PCDH15: variants seen among roughly 807,000 people sequenced by gnomAD.
PCDH15 encodes the protein protocadherin-15.
In PCDH15, 129 loss-of-function variants were observed where a neutral mutation model predicts 178.5. That is an observed-to-expected ratio of 0.72 (90% CI 0.63 to 0.84). PCDH15 has a LOEUF of 0.84. Ranked by LOEUF, PCDH15 falls within the 40% of genes least tolerant of loss-of-function variation. PCDH15 has a pLI of 0.00. For missense variants in PCDH15, 2,230 were observed against 2,099.9 expected, an observed-to-expected ratio of 1.06 and a Z score of -1.21; for synonymous variants, 800 against 732.0, an observed-to-expected ratio of 1.09 and a Z score of -1.50.
At chr10:54,964,738 G>C (rs1252752303) in intron 2 of PCDH15, among the ~76,000 whole-genome samples, 1 of 152,110 alleles carries the variant, frequency 6.6e-6, no homozygotes, top group Non-Finnish European at 1.5e-5. Flanking sequence ...CATTTTCCCT[G>C]GGGCTTAAAA....
chr10:55,169,205 G>T (rs1564857429), intron 1 of PCDH15, among the ~76,000 whole-genome samples: 1 of 152,096 alleles, frequency 6.6e-6, no homozygotes, highest in Non-Finnish European at 1.5e-5. Flanking sequence ...ATTTCCCACG[G>T]ATTGCTTTGG....
intron 6 of PCDH15, among the ~76,000 whole-genome samples, chr10:54,331,871 C>A (rs1939667862): frequency 6.6e-6 from 1 of 151,844 alleles, no homozygotes; most frequent in Non-Finnish European, 1.5e-5. Flanking sequence ...ACAGTAATTC[C>A]ATTCTCTTTT....
At chr10:53,891,787 T>C (rs1211559463) in intron 26 of PCDH15, among the ~76,000 whole-genome samples, 1 of 93,482 alleles carries the variant, frequency 1.1e-5, no homozygotes, top group Non-Finnish European at 2.3e-5. Flanking sequence ...ACCCTGTCTT[T>C]ACTAAAAATA....
intron 1 of PCDH15, among the ~76,000 whole-genome samples, chr10:55,202,888 G>A (rs955763301): frequency 1.3e-5 from 2 of 152,232 alleles, no homozygotes; most frequent in African/African-American, 4.8e-5. Flanking sequence ...CCATAATTGT[G>A]TGAGTTTCCT....
At chr10:55,439,968 C>G (rs2132067377) in intron 2 of PCDH15, among the ~76,000 whole-genome samples, 1 of 152,176 alleles carries the variant, frequency 6.6e-6, no homozygotes, top group East Asian at 1.9e-4. Flanking sequence ...TATAGAAGAA[C>G]TGAGACAAGA....
chr10:54,196,919 C>T (rs1591103292), intron 10 of PCDH15, among the ~76,000 whole-genome samples: 1 of 152,266 alleles, frequency 6.6e-6, no homozygotes, highest in Non-Finnish European at 1.5e-5. Flanking sequence ...CCAGCCTCCA[C>T]GACTGTGAGA....
chr10:53,928,017 A>T lies in PCDH15; in HGVS notation c.3373+10798T>A, dbSNP rs1193964993. ...TAAAAAGAGAGACTTGTGCAAGCAAAGACATTTAGGTATAGACATTCCTTG... is the reference window on the plus strand; with the variant it reads ...TAAAAAGAGAGACTTGTGCAAGCAATGACATTTAGGTATAGACATTCCTTG... On this transcript the variant is annotated intron_variant, in intron 25 of 37. Transcript: ENST00000644397. Among the ~76,000 whole-genome samples, 4 of 152,092 alleles carry T rather than the reference A, an allele frequency of 2.6e-5. No homozygotes were observed. In the East Asian group the frequency reaches 7.7e-4, roughly 29 times the overall value.
intron 2 of PCDH15, among the ~76,000 whole-genome samples, chr10:54,645,091 G>A (rs2094097813): frequency 6.6e-6 from 1 of 152,138 alleles, no homozygotes; most frequent in African/African-American, 2.4e-5. Flanking sequence ...ACTAGGGCAT[G>A]TAAATATTGG....
chr10:54,842,998 G>A (rs758877912), intron 3 of PCDH15, among the ~76,000 whole-genome samples: 1 of 151,932 alleles, frequency 6.6e-6, no homozygotes, highest in Non-Finnish European at 1.5e-5. Context: ...AGATATCAGA[G>A]CTGAAATATA....
chr10:54,728,847 C>T (rs4935551), intron 1 of PCDH15, among the ~76,000 whole-genome samples: 18,452 of 151,218 alleles, frequency 0.12, 1,249 homozygotes, highest in African/African-American at 0.17. Context: ...AAATAAAATA[C>T]CTAGAAAAAC....
At chr10:53,872,926 C>T (rs544317669) in intron 26 of PCDH15, among the ~76,000 whole-genome samples, 12 of 152,280 alleles carry the variant, frequency 7.9e-5, no homozygotes, top group Middle Eastern at 3.4e-3. Context: ...GCAGCTGACA[C>T]GTATCTCTCA....
At chr10:55,346,693 C>CT (rs112923658) in intron 2 of PCDH15, among the ~76,000 whole-genome samples, 2,114 of 139,160 alleles carry the variant, frequency 0.015, 29 homozygotes, top group African/African-American at 0.044. Flanking sequence ...TATCTTTGGA[C>CT]TTTTTTTTTT....
chr10:55,063,848 A>C (rs1364839637), intron 2 of PCDH15, among the ~76,000 whole-genome samples: 1 of 152,176 alleles, frequency 6.6e-6, no homozygotes. Context: ...TGGGACTCCA[A>C]AGTTATCAGA....
chr10:54,654,660 T>C (rs550802979), intron 2 of PCDH15, among the ~76,000 whole-genome samples: 1 of 152,338 alleles, frequency 6.6e-6, no homozygotes, highest in African/African-American at 2.4e-5. Context: ...ATGAATTGTA[T>C]AAGTCATTGA....
At chr10:54,638,884 T>C (rs1005771192) in intron 2 of PCDH15, among the ~76,000 whole-genome samples, 1 of 152,102 alleles carries the variant, frequency 6.6e-6, no homozygotes, top group African/African-American at 2.4e-5. Context: ...TGTTTTTTTT[T>C]GCAGCAACTT....
chr10:55,290,599 A>C (rs1399267977), intron 1 of PCDH15, among the ~76,000 whole-genome samples: 2 of 152,072 alleles, frequency 1.3e-5, no homozygotes, highest in African/African-American at 4.8e-5. Flanking sequence ...TATACATAAT[A>C]CCTAATACCA....
At chr10:53,903,422 A>G (rs758567490) in intron 25 of PCDH15, 52 bp from the exon 26 acceptor site, 24 of 1,603,080 alleles carry the variant, frequency 1.5e-5, no homozygotes, top group Non-Finnish European at 2.0e-5. Context: ...CATGGGGGAA[A>G]AAATGCACTG....
At chr10:55,049,526 C>T (rs542593425) in intron 2 of PCDH15, among the ~76,000 whole-genome samples, 2 of 151,730 alleles carry the variant, frequency 1.3e-5, no homozygotes, top group African/African-American at 2.4e-5. Flanking sequence ...AATAGTCTCA[C>T]GGAGAAAAGT....
rs542646562 is a variant in PCDH15 at position 53,824,464 on chromosome 10, G to C, written c.4367+2929C>G. On this transcript the variant is annotated intron_variant, in intron 32 of 37. Transcript: ENST00000644397. ...TTAACTAGCCATATTGAAAAATTAG[G>C]GTGATAGTTTAGGCAACAAAATAAT... Among the ~76,000 whole-genome samples the C allele has an allele frequency of 7.9e-4, 120 of 152,190 alleles. 1 individual carries two copies. The South Asian group carries it at 0.024, about 31-fold the overall frequency.
Sources: gnomAD v4.1 joint callset for allele counts (sites outside exome capture counted in the v4.1 genomes callset) on GRCh38, gnomAD v4.1.1 for gene constraint, MANE v1.5 for transcripts, NCBI Gene and HGNC (gene_info 2026-07-23, HGNC 2026-07-21) for gene names.